Variants in REV3L observed in about 807,000 individuals in gnomAD.
REV3L encodes DNA polymerase zeta catalytic subunit.
A neutral mutation model predicts 299.4 loss-of-function variants in REV3L; 69 were observed. The ratio of observed to expected loss-of-function variants is 0.23; its 90% CI spans 0.19 to 0.28. The LOEUF is 0.28. Among genes scored for constraint, REV3L ranks in the 10% least tolerant of loss-of-function variants. REV3L has a pLI of 1.00. For synonymous variants in REV3L, 1,238 were observed against 1,271.4 expected (o/e 0.97, Z 0.56); for missense variants, 3,128 against 3,693.8 (o/e 0.85, Z 3.97).
chr6:111,364,562 T>C (rs1393491903), intron 15 of REV3L, among the ~76,000 whole-genome samples: 1 of 144,730 alleles, frequency 6.9e-6, no homozygotes, highest in Non-Finnish European at 1.5e-5. Flanking sequence ...TATTTTTTAA[T>C]ATATATAGCT....
Position 111,349,405 on chromosome 6 carries a change from A to G in REV3L, c.7301-69T>C, listed in dbSNP as rs1340736621. 8 of 713,070 alleles carry G rather than the reference A, an allele frequency of 1.1e-5. No homozygotes were observed. In the East Asian group the frequency reaches 2.1e-4, roughly 19 times the overall value. 44.2% of individuals were successfully genotyped at this position (713,070 alleles called of 1,614,324 possible). A position where few individuals can be genotyped will look rare whatever the true frequency, so the allele number is the denominator to read the frequency against. On this transcript the variant is annotated intron_variant, in intron 19 of 31. Transcript: ENST00000368802. ...AACTTTCAATAAAATTATGCCAGGGAAAATGAGAATATACATTAAGGATGA... is the reference window on the plus strand; with the variant it reads ...AACTTTCAATAAAATTATGCCAGGGGAAATGAGAATATACATTAAGGATGA...
intron 23 of REV3L, 140 bp from the exon 24 acceptor site, chr6:111,331,924 T>TTAA: frequency 1.7e-6 from 1 of 593,436 alleles, no homozygotes; most frequent in Non-Finnish European, 2.9e-6. Flanking sequence ...TAGTAATATG[T>TTAA]TTATTTGCCT....
At chr6:111,352,141 G>T (rs1777634500) in intron 18 of REV3L, among the ~76,000 whole-genome samples, 2 of 151,808 alleles carry the variant, frequency 1.3e-5, no homozygotes, top group Non-Finnish European at 2.9e-5. Context: ...TGAGTAGCTG[G>T]GATTACAGGT....
intron 2 of REV3L, among the ~76,000 whole-genome samples, 200 bp downstream of exon 2, chr6:111,416,083 A>C (rs545155915): frequency 3.5e-4 from 54 of 152,320 alleles, no homozygotes; most frequent in African/African-American, 1.2e-3. Context: ...GAGAAATGGG[A>C]AAGGAAACAA....
chr6:111,305,849 G>C (rs926849473), intron 31 of REV3L, among the ~76,000 whole-genome samples: 1 of 152,036 alleles, frequency 6.6e-6, no homozygotes, highest in Non-Finnish European at 1.5e-5. Context: ...GCTGCCATCA[G>C]GACAGAAGTC....
chr6:111,389,717 T>C (rs1781706290), intron 6 of REV3L, among the ~76,000 whole-genome samples: 1 of 150,574 alleles, frequency 6.6e-6, no homozygotes. Flanking sequence ...CTATTCCATT[T>C]TGGTCATTAA....
At chr6:111,366,307 T>C (rs1444877593) in intron 14 of REV3L, among the ~76,000 whole-genome samples, 1 of 152,162 alleles carries the variant, frequency 6.6e-6, no homozygotes, top group Non-Finnish European at 1.5e-5. Context: ...TAGTTGGATA[T>C]AGTGTTCTGG....
At chr6:111,462,453 G>GA (rs1000427952) in intron 1 of REV3L, among the ~76,000 whole-genome samples, 23 of 150,386 alleles carry the variant, frequency 1.5e-4, no homozygotes, top group East Asian at 7.8e-4. Flanking sequence ...CAAAATACAT[G>GA]AAAAAAAAAC....
At chr6:111,340,992 TAAGTTAA>T (rs551957554) in intron 21 of REV3L, among the ~76,000 whole-genome samples, 383 of 151,878 alleles carry the variant, frequency 2.5e-3, no homozygotes, top group South Asian at 5.4e-3. Context: ...TTTTCAATGT[TAAGTTAA>T]ATATCAAGTT....
intron 19 of REV3L, among the ~76,000 whole-genome samples, chr6:111,351,204 C>G (rs1279930820): frequency 2.6e-5 from 4 of 151,776 alleles, no homozygotes; most frequent in Non-Finnish European, 4.4e-5. Flanking sequence ...TACTAGTGTT[C>G]CTCAACCCAT....
chr6:111,398,419 A>G (rs997852374), intron 4 of REV3L, among the ~76,000 whole-genome samples: 1 of 151,326 alleles, frequency 6.6e-6, no homozygotes, highest in South Asian at 2.1e-4. Flanking sequence ...ATGTGGGGGG[A>G]AAAAAAGAAA....
intron 1 of REV3L, among the ~76,000 whole-genome samples, chr6:111,441,652 C>A (rs1054705363): frequency 6.6e-6 from 1 of 152,198 alleles, no homozygotes; most frequent in Non-Finnish European, 1.5e-5. Context: ...AAAATCTCTG[C>A]CATATCTAGC....
chr6:111,315,457 G>T, intron 26 of REV3L, 76 bp from the exon 27 acceptor site: 1 of 1,093,608 alleles, frequency 9.1e-7, no homozygotes, highest in Non-Finnish European at 1.4e-6. Context: ...AACTTTCCTG[G>T]CTATGACTCT....
At chr6:111,387,725 T>C in intron 9 of REV3L, 40 bp downstream of exon 9, 1 of 1,563,464 alleles carries the variant, frequency 6.4e-7, no homozygotes. Flanking sequence ...GCTAGATATC[T>C]GTTCTAGTAG....
Position 111,372,644 on chromosome 6 carries a change from T to C in REV3L, c.5711A>G (p.Tyr1904Cys). ...LLDHDLSETI[Y>C]QEPFCSNPSD... ...AGGATTACTGCAAAATGGTTCCTGG[T>C]AAATAGTCTCAGACAGGTCATGATC... The change falls in exon 13 of 32, where the codon TAC becomes TGC. Residue 1904 changes from tyrosine (Y) to cysteine (C), a missense_variant. This residue lies in a region of REV3L where 2,409 missense variants were observed against 2,611.8 expected (regional missense o/e 0.92). Transcript: ENST00000368802. The C allele has an allele frequency of 6.6e-7, 1 of 1,523,596 alleles. No homozygotes were observed. The highest frequency in any genetic ancestry group is 8.8e-7 in the Non-Finnish European group (1 of 1,137,808). 94.4% of individuals were successfully genotyped at this position (1,523,596 alleles called of 1,614,324 possible). A position where few individuals can be genotyped will look rare whatever the true frequency, so the allele number is the denominator to read the frequency against.
At chr6:111,390,726 T>G (rs1246856770) in intron 5 of REV3L, among the ~76,000 whole-genome samples, 3 of 152,186 alleles carry the variant, frequency 2.0e-5, no homozygotes, top group African/African-American at 7.2e-5. Flanking sequence ...ATAAAATGTA[T>G]GAATGATCAA....
intron 16 of REV3L, among the ~76,000 whole-genome samples, chr6:111,362,844 A>G (rs1190418633): frequency 3.9e-5 from 6 of 152,228 alleles, no homozygotes; most frequent in Non-Finnish European, 2.9e-5. Context: ...TATGTTTTAA[A>G]ATCTAAATTA....
At chr6:111,401,165 T>C (rs973780050) in intron 4 of REV3L, among the ~76,000 whole-genome samples, 2 of 152,240 alleles carry the variant, frequency 1.3e-5, no homozygotes, top group African/African-American at 4.8e-5. Context: ...TGTTGCTTTA[T>C]AGTAAGTCTC....
intron 22 of REV3L, among the ~76,000 whole-genome samples, 200 bp from the exon 23 acceptor site, chr6:111,333,567 C>G (rs902354625): frequency 2.0e-5 from 3 of 151,490 alleles, no homozygotes; most frequent in Non-Finnish European, 4.4e-5. Flanking sequence ...CTCCGCCTCC[C>G]AGGTTCAAGC....
Sources: allele counts gnomAD v4.1 joint callset (sites outside exome capture counted in the v4.1 genomes callset), GRCh38; gene constraint gnomAD v4.1.1; regional missense constraint gnomAD v4.1.1; transcripts MANE v1.5; gene names NCBI Gene and HGNC (gene_info 2026-07-23, HGNC 2026-07-21).